BASP1: variants seen among roughly 807,000 people sequenced by gnomAD.
BASP1 encodes brain abundant membrane attached signal protein 1.
In BASP1, 1 loss-of-function variant was observed where a neutral mutation model predicts 2.2. The ratio of observed to expected loss-of-function variants is 0.46; its 90% CI spans 0.16 to 2.17. The LOEUF (loss-of-function observed/expected upper bound fraction) is 2.17, where lower values mean the gene tolerates loss of function less well. Among genes scored for constraint, BASP1 ranks in the 30% most tolerant of loss-of-function variants. The pLI is 0.27. For synonymous variants in BASP1, 187 were observed against 154.2 expected, an observed-to-expected ratio of 1.21 and a Z score of -1.58; for missense variants, 352 against 327.2, an observed-to-expected ratio of 1.08 and a Z score of -0.58.
chr5:17,267,799 G>A (rs773631405), intron 1 of BASP1, among the ~76,000 whole-genome samples: 54 of 126,540 alleles, frequency 4.3e-4, no homozygotes, highest in Non-Finnish European at 7.5e-4. Context: ...TTACAGGCGT[G>A]AGCCACCGCT....
At chr5:17,226,473 A>G (rs1293535064) in intron 1 of BASP1, among the ~76,000 whole-genome samples, 1 of 152,200 alleles carries the variant, frequency 6.6e-6, no homozygotes, top group Admixed American at 6.5e-5. Context: ...AACAAGATCT[A>G]ATGGGGGAAA....
intron 1 of BASP1, among the ~76,000 whole-genome samples, chr5:17,261,862 C>T (rs1249835899): frequency 6.6e-6 from 1 of 152,154 alleles, no homozygotes; most frequent in Non-Finnish European, 1.5e-5. Context: ...TGGTATTGAC[C>T]ATTGTGGCTT....
At chr5:17,242,978 G>A (rs992099073) in intron 1 of BASP1, among the ~76,000 whole-genome samples, 3 of 151,688 alleles carry the variant, frequency 2.0e-5, no homozygotes, top group East Asian at 1.9e-4. Context: ...AAGTGTTGTC[G>A]TCCCTGTAAG....
At chr5:17,254,598 G>C (rs531084197) in intron 1 of BASP1, among the ~76,000 whole-genome samples, 2 of 152,328 alleles carry the variant, frequency 1.3e-5, no homozygotes, top group African/African-American at 4.8e-5. Context: ...GTTTGCAACG[G>C]ATCTGCAGTG....
chr5:17,240,469 G>A (rs1053982015), intron 1 of BASP1: 19 of 152,244 alleles, frequency 1.2e-4, no homozygotes, highest in African/African-American at 4.6e-4. Flanking sequence ...CTGGGAGGCA[G>A]AGGTTGAAGT....
chr5:17,245,268 C>T lies in BASP1; in HGVS notation c.-10+27458C>T, dbSNP rs541619024. 2.6e-4 allele frequency among the ~76,000 whole-genome samples: 38 copies of T among 148,398 alleles called. No individual in the cohort carries two copies. In the South Asian group the frequency reaches 7.8e-3, roughly 31 times the overall value. ...CGTGAGCTGAGCTCACACCATTACACTCTAGCCTGGGCAACAGAGTGAAAG... is the reference window on the plus strand; with the variant it reads ...CGTGAGCTGAGCTCACACCATTACATTCTAGCCTGGGCAACAGAGTGAAAG... On this transcript the variant is annotated intron_variant, in intron 1 of 1. Coordinates refer to ENST00000322611, the MANE Select transcript of BASP1 (RefSeq NM_006317.5).
chr5:17,249,066 A>C (rs1388706093), intron 1 of BASP1, among the ~76,000 whole-genome samples: 1 of 152,080 alleles, frequency 6.6e-6, no homozygotes, highest in African/African-American at 2.4e-5. Context: ...TAAAATCTAG[A>C]GGTCTTCTTT....
chr5:17,237,079 C>A (rs910256535), intron 1 of BASP1, among the ~76,000 whole-genome samples: 4 of 152,036 alleles, frequency 2.6e-5, no homozygotes, highest in African/African-American at 9.7e-5. Flanking sequence ...GGCATGGTGG[C>A]TCACGCCTGT....
intron 1 of BASP1, among the ~76,000 whole-genome samples, chr5:17,262,939 C>T (rs1342017804): frequency 6.6e-6 from 1 of 152,024 alleles, no homozygotes; most frequent in African/African-American, 2.4e-5. Context: ...CTCCGCCTCC[C>T]TGGTTCATGC....
chr5:17,219,914 C>T (rs924934912), intron 1 of BASP1, among the ~76,000 whole-genome samples: 5 of 152,146 alleles, frequency 3.3e-5, no homozygotes, highest in Non-Finnish European at 7.4e-5. Context: ...TCCTTTTTCC[C>T]CATTACCTAA....
chr5:17,233,466 C>CA (rs1265322877), intron 1 of BASP1, among the ~76,000 whole-genome samples: 1 of 152,178 alleles, frequency 6.6e-6, no homozygotes, highest in Non-Finnish European at 1.5e-5. Flanking sequence ...GGCTGTGGGT[C>CA]ATCTAGTCCA....
chr5:17,232,575 C>G (rs1156577814), intron 1 of BASP1, among the ~76,000 whole-genome samples: 1 of 152,180 alleles, frequency 6.6e-6, no homozygotes, highest in African/African-American at 2.4e-5. Context: ...CAGTAAAGGG[C>G]TGGATACGTG....
At chr5:17,261,238 C>T (rs1351546458) in intron 1 of BASP1, among the ~76,000 whole-genome samples, 2 of 152,220 alleles carry the variant, frequency 1.3e-5, no homozygotes, top group East Asian at 1.9e-4. Context: ...TCAGAAGCTC[C>T]TAAAACCATT....
intron 1 of BASP1, among the ~76,000 whole-genome samples, chr5:17,250,819 T>C (rs1239822589): frequency 6.6e-6 from 1 of 152,116 alleles, no homozygotes; most frequent in African/African-American, 2.4e-5. Context: ...TTAGCCAGGA[T>C]GGTCTCGATC....
In BASP1 at chr5:17,241,392, G is replaced by A. The variant is rs559757888; in HGVS notation, c.-10+23582G>A. 2.9e-4 allele frequency among the ~76,000 whole-genome samples: 44 copies of A among 152,218 alleles called. No homozygotes were observed. The South Asian group carries it at 8.1e-3, about 28-fold the overall frequency. ...TGTGATTACAGGAGTGAACCACTGC[G>A]CCTGGCCCAAAGATTGACATTTTAA... On this transcript the variant is annotated intron_variant, in intron 1 of 1. Transcript: ENST00000322611.
At chr5:17,263,840 A>G (rs1740367658) in intron 1 of BASP1, among the ~76,000 whole-genome samples, 1 of 152,242 alleles carries the variant, frequency 6.6e-6, no homozygotes, top group South Asian at 2.1e-4. Flanking sequence ...ATTTTTACTC[A>G]TGATATTTCA....
rs149088921 is a variant in BASP1 at position 17,252,308 on chromosome 5, C to T, written c.-9-22900C>T. Among the ~76,000 whole-genome samples the T allele has an allele frequency of 6.1e-4, 93 of 152,198 alleles. 1 individual carries two copies. The highest frequency in any genetic ancestry group is 1.8e-3 in the African/African-American group (73 of 41,522). On this transcript the variant is annotated intron_variant, in intron 1 of 1. Transcript: ENST00000322611. Reference sequence around the variant, plus strand: ...GGCAGGCAGGAGATAATCAGAAGGGCGCCACAAGACCATGTAATCTGCTCA... The same window carrying T: ...GGCAGGCAGGAGATAATCAGAAGGGTGCCACAAGACCATGTAATCTGCTCA...
chr5:17,242,763 T>C (rs1739893094), intron 1 of BASP1, among the ~76,000 whole-genome samples: 1 of 152,044 alleles, frequency 6.6e-6, no homozygotes, highest in African/African-American at 2.4e-5. Flanking sequence ...AAAATGATGT[T>C]ATTTGTAACG....
chr5:17,265,324 A>G (rs906608294), intron 1 of BASP1, among the ~76,000 whole-genome samples: 1 of 152,196 alleles, frequency 6.6e-6, no homozygotes. Flanking sequence ...GACTTGAATA[A>G]CATTAAATAA....
Sources: gnomAD v4.1 joint callset for allele counts (sites outside exome capture counted in the v4.1 genomes callset) on GRCh38, gnomAD v4.1.1 for gene constraint, MANE v1.5 for transcripts, NCBI Gene and HGNC (gene_info 2026-07-23, HGNC 2026-07-21) for gene names.